The following ARL8B variants were observed in gnomAD, a reference collection of about 807,000 sequenced individuals.
ARL8B encodes ARF like GTPase 8B.
ARL8B carries 9 observed loss-of-function variants against 30.6 expected under a neutral mutation model. The observed-to-expected ratio is 0.29, with a 90% CI of 0.18 to 0.51. ARL8B has a LOEUF of 0.51. ARL8B is among the 20% of genes least tolerant of loss of function. The probability of loss-of-function intolerance (pLI) is 0.97; values close to 1 mark genes in which losing one functional copy is unlikely to be tolerated. For missense variants in ARL8B, 130 were observed against 227.2 expected, an observed-to-expected ratio of 0.57 and a Z score of 2.75; for synonymous variants, 74 against 76.0, an observed-to-expected ratio of 0.97 and a Z score of 0.14.
intron 1 of ARL8B, among the ~76,000 whole-genome samples, chr3:5,140,254 C>G (rs1329265349): frequency 6.6e-6 from 1 of 152,036 alleles, no homozygotes; most frequent in African/African-American, 2.4e-5. Flanking sequence ...GTGGGAGGGA[C>G]CCGGTGGGAG....
intron 4 of ARL8B, 144 bp downstream of exon 4, chr3:5,172,884 C>G: frequency 1.7e-6 from 1 of 593,012 alleles, no homozygotes; most frequent in Non-Finnish European, 3.0e-6. Context: ...CATGTATCTG[C>G]CATATACTGG....
intron 1 of ARL8B, among the ~76,000 whole-genome samples, chr3:5,135,497 C>T (rs1275939369): frequency 2.0e-5 from 3 of 151,176 alleles, no homozygotes; most frequent in South Asian, 2.1e-4. Flanking sequence ...CTCGCTCTGT[C>T]GCCCAGGCTG....
At chr3:5,135,241 G>T (rs560118258) in intron 1 of ARL8B, among the ~76,000 whole-genome samples, 1 of 152,056 alleles carries the variant, frequency 6.6e-6, no homozygotes, top group East Asian at 1.9e-4. Context: ...TACAAAGAAC[G>T]TTCAGTAAAA....
chr3:5,138,718 A>C (rs968819666), intron 1 of ARL8B, among the ~76,000 whole-genome samples: 1 of 152,194 alleles, frequency 6.6e-6, no homozygotes, highest in Non-Finnish European at 1.5e-5. Context: ...CTACTGAATA[A>C]ATAATGATTT....
Position 5,170,499 on chromosome 3 carries a change from T to C in ARL8B, c.124-4T>C, listed in dbSNP as rs1318426844. 6.2e-7 allele frequency: 1 copy of C among 1,605,502 alleles called. No individual in the cohort carries two copies. Among genetic ancestry groups the C allele is most frequent in the Admixed American group, 1.7e-5 (1 of 58,576 alleles). ...CCTAACTTCAAATGTTTTATTTTGT[T>C]CAGTCAGGTCAATTCAGTGAAGATA... On this transcript the variant is annotated splice_region_variant and splice_polypyrimidine_tract_variant and intron_variant, in intron 1 of 6. Coordinates refer to ENST00000256496, the MANE Select transcript of ARL8B (RefSeq NM_018184.3).
rs538625489 is a variant in ARL8B, at chr3:5,122,401, G to T, written c.-65G>T. ...GGAGGGTCCGGGCGGAGGCCCGCTC[G>T]TGTGGAAGTCGTCGACGCCGCCGCT... is the stretch of plus-strand genomic sequence containing the variant. On this transcript the variant is annotated 5_prime_UTR_variant, in exon 1 of 7. Transcript: ENST00000256496. The T allele has an allele frequency of 7.5e-6, 12 of 1,605,806 alleles. No individual in the cohort carries two copies. The highest frequency in any genetic ancestry group is 6.7e-5 in the African/African-American group (5 of 74,810).
At chr3:5,174,260 TAAAAC>T in intron 5 of ARL8B, 79 bp from the exon 6 acceptor site, 1 of 1,163,178 alleles carries the variant, frequency 8.6e-7, no homozygotes, top group Non-Finnish European at 1.3e-6. Flanking sequence ...AGTATAGTAA[TAAAAC>T]TAATGAGTAA....
At chr3:5,147,065 C>T (rs1193115078) in intron 1 of ARL8B, among the ~76,000 whole-genome samples, 2 of 151,492 alleles carry the variant, frequency 1.3e-5, no homozygotes, top group South Asian at 2.1e-4. Context: ...GGTACATGTG[C>T]ACAACATGCA....
chr3:5,125,366 A>C (rs578043198), intron 1 of ARL8B, among the ~76,000 whole-genome samples: 9 of 152,242 alleles, frequency 5.9e-5, no homozygotes, highest in South Asian at 4.1e-4. Flanking sequence ...ACTTTGAATC[A>C]CTGTATCTAT....
intron 2 of ARL8B, among the ~76,000 whole-genome samples, chr3:5,171,471 C>T (rs570515859): frequency 6.6e-6 from 1 of 152,184 alleles, no homozygotes; most frequent in South Asian, 2.1e-4. Context: ...CCTGCCTCAG[C>T]CTCCCGAGTA....
chr3:5,170,716 GT>G, intron 2 of ARL8B, 133 bp downstream of exon 2: 3 of 596,806 alleles, frequency 5.0e-6, no homozygotes, highest in South Asian at 2.4e-5. Flanking sequence ...AAAAGAATAG[GT>G]TTTTTTGTTG....
rs375485804 is a variant in ARL8B at position 5,174,428 on chromosome 3, G to A, written c.511+14G>A. The stretch of plus-strand genomic sequence containing the variant: ...AGGATAATATAGGTAAGAAATGACT[G>A]GTAATTTTGGAAGAAATGGGTATCA... On this transcript the variant is annotated intron_variant, in intron 6 of 6. Transcript: ENST00000256496. The A allele has an allele frequency of 1.0e-4, 160 of 1,540,828 alleles. No individual in the cohort carries two copies. The African/African-American group carries it at 2.0e-3, about 19-fold the overall frequency.
intron 1 of ARL8B, among the ~76,000 whole-genome samples, chr3:5,155,505 G>C (rs572164485): frequency 6.6e-6 from 1 of 152,142 alleles, no homozygotes; most frequent in South Asian, 2.1e-4. Context: ...CCTATTATCT[G>C]TCTTCTTTTA....
chr3:5,144,572 C>T (rs777691074), intron 1 of ARL8B, among the ~76,000 whole-genome samples: 4 of 152,280 alleles, frequency 2.6e-5, no homozygotes, highest in Non-Finnish European at 4.4e-5. Flanking sequence ...CAGGAAGTAC[C>T]CACTTCCCGT....
chr3:5,171,752 A>C (rs2054678444), intron 2 of ARL8B, among the ~76,000 whole-genome samples: 1 of 152,250 alleles, frequency 6.6e-6, no homozygotes, highest in South Asian at 2.1e-4. Flanking sequence ...TCAGACGATT[A>C]AGACTTAATA....
At position 5,127,901 on chromosome 3, in the gene ARL8B, A is replaced by C. The variant is rs550205416; in HGVS notation, c.123+5313A>C. On this transcript the variant is annotated intron_variant, in intron 1 of 6. Coordinates refer to ENST00000256496, the MANE Select transcript of ARL8B (RefSeq NM_018184.3). ...AAAAAAAAAAAAAAAAAAAAAAAAA[A>C]GCGGAGGGCCAGGCGCAATGGCTTA... is the stretch of plus-strand genomic sequence containing the variant. Among the ~76,000 whole-genome samples the C allele has an allele frequency of 5.3e-3, 758 of 144,250 alleles. 11 individuals are homozygous for C. Among genetic ancestry groups the C allele is most frequent in the South Asian group, 0.021 (92 of 4,284 alleles). The allele number at this position is 144,250 out of a possible 152,430, so 94.6% of individuals were successfully genotyped here.
chr3:5,173,679 C>T (rs2054698639), intron 4 of ARL8B, among the ~76,000 whole-genome samples: 1 of 152,138 alleles, frequency 6.6e-6, no homozygotes, highest in Non-Finnish European at 1.5e-5. Context: ...GTGGCTGCTG[C>T]ACTCCAGCCT....
At chr3:5,146,131 C>T (rs530460992) in intron 1 of ARL8B, among the ~76,000 whole-genome samples, 1 of 152,298 alleles carries the variant, frequency 6.6e-6, no homozygotes, top group East Asian at 1.9e-4. Flanking sequence ...CAGCACAGTA[C>T]AGTGGTATTG....
chr3:5,161,248 C>A (rs1313361297), intron 1 of ARL8B, among the ~76,000 whole-genome samples: 1 of 152,166 alleles, frequency 6.6e-6, no homozygotes. Flanking sequence ...CAGCCCCTGT[C>A]CCATAAGGCA....
Sources: allele counts gnomAD v4.1 joint callset (sites outside exome capture counted in the v4.1 genomes callset), GRCh38; gene constraint gnomAD v4.1.1; transcripts MANE v1.5; gene names NCBI Gene and HGNC (gene_info 2026-07-23, HGNC 2026-07-21).